CSMD1: variants seen among roughly 807,000 people sequenced by gnomAD.
CSMD1 encodes CUB and Sushi multiple domains 1.
A neutral mutation model predicts 417.5 loss-of-function variants in CSMD1; 213 were observed. The observed-to-expected ratio is 0.51, with a 90% CI of 0.46 to 0.57. The LOEUF is 0.57. CSMD1 is among the 20% of genes least tolerant of loss of function. CSMD1 has a pLI of 0.00. For synonymous variants in CSMD1, 2,862 were observed against 1,736.8 expected (o/e 1.65, Z -16.11); for missense variants, 6,923 against 4,529.7 (o/e 1.53, Z -15.17).
intron 42 of CSMD1, chr8:3,113,279 C>A (rs974638730): frequency 6.6e-6 from 1 of 152,172 alleles, no homozygotes; most frequent in African/African-American, 2.4e-5. Context: ...GCATCAGCAA[C>A]TGAAAGGGAT....
intron 7 of CSMD1, among the ~76,000 whole-genome samples, chr8:3,703,535 A>G (rs1037537753): frequency 6.6e-6 from 1 of 151,944 alleles, no homozygotes; most frequent in Non-Finnish European, 1.5e-5. Context: ...ATGAGGAGGT[A>G]TGGTGTGTGA....
chr8:4,741,158 G>A (rs1049775461), intron 1 of CSMD1, among the ~76,000 whole-genome samples: 3 of 151,982 alleles, frequency 2.0e-5, no homozygotes, highest in African/African-American at 4.8e-5. Context: ...TCTTTTTCAA[G>A]CACACTAGAC....
chr8:3,652,470 G>C (rs1387592776), intron 7 of CSMD1, among the ~76,000 whole-genome samples: 1 of 152,204 alleles, frequency 6.6e-6, no homozygotes, highest in Non-Finnish European at 1.5e-5. Flanking sequence ...TGCTAATAAA[G>C]ACATACCTGA....
At chr8:4,929,577 A>C (rs1242737582) in intron 1 of CSMD1, among the ~76,000 whole-genome samples, 2 of 152,304 alleles carry the variant, frequency 1.3e-5, no homozygotes, top group Non-Finnish European at 2.9e-5. Flanking sequence ...AGCTAGTCTC[A>C]AGGTGTGTTC....
intron 6 of CSMD1, among the ~76,000 whole-genome samples, chr8:3,723,917 A>G (rs1200416304): frequency 6.6e-6 from 1 of 152,248 alleles, no homozygotes; most frequent in Admixed American, 6.5e-5. Flanking sequence ...ATGGATGCAG[A>G]TTCCATTTTG....
At chr8:4,978,793 C>G (rs543809909) in intron 1 of CSMD1, among the ~76,000 whole-genome samples, 34 of 152,246 alleles carry the variant, frequency 2.2e-4, no homozygotes, top group African/African-American at 8.2e-4. Flanking sequence ...CAAAAATTAG[C>G]TGGGCATGGT....
At chr8:3,763,517 A>G (rs1427079375) in intron 5 of CSMD1, among the ~76,000 whole-genome samples, 1 of 151,950 alleles carries the variant, frequency 6.6e-6, no homozygotes, top group Non-Finnish European at 1.5e-5. Flanking sequence ...TCTACCTTCT[A>G]CTGTGAATAA....
intron 3 of CSMD1, among the ~76,000 whole-genome samples, chr8:4,261,947 A>G (rs779106): frequency 0.7 from 106,182 of 152,082 alleles, 41,139 homozygotes; most frequent in Non-Finnish European, 0.87. Flanking sequence ...CAATGTAACA[A>G]AACAGAAAAA....
intron 28 of CSMD1, among the ~76,000 whole-genome samples, chr8:3,223,454 C>T (rs767196642): frequency 3.9e-5 from 6 of 152,130 alleles, no homozygotes; most frequent in East Asian, 1.9e-4. Context: ...TTATTTTTAA[C>T]GAACATTCTG....
intron 5 of CSMD1, among the ~76,000 whole-genome samples, chr8:3,833,982 T>G (rs893749894): frequency 6.6e-6 from 1 of 152,160 alleles, no homozygotes; most frequent in African/African-American, 2.4e-5. Context: ...CCTATACGGT[T>G]TGAACACCAC....
chr8:3,996,147 A>G (rs1367739588), intron 5 of CSMD1, among the ~76,000 whole-genome samples: 4 of 152,008 alleles, frequency 2.6e-5, no homozygotes, highest in South Asian at 2.1e-4. Flanking sequence ...GCCACTGATC[A>G]TAGGTTCTAG....
At chr8:3,935,503 T>G (rs918890110) in intron 5 of CSMD1, among the ~76,000 whole-genome samples, 5 of 152,192 alleles carry the variant, frequency 3.3e-5, no homozygotes, top group African/African-American at 4.8e-5. Flanking sequence ...CTACTCGTTT[T>G]TGGTGTCTGT....
At chr8:4,749,657 T>G (rs1811179006) in intron 1 of CSMD1, among the ~76,000 whole-genome samples, 1 of 152,228 alleles carries the variant, frequency 6.6e-6, no homozygotes, top group Admixed American at 6.5e-5. Flanking sequence ...AATTCCAGTT[T>G]AGTAATTTTT....
chr8:4,772,947 G>T lies in CSMD1; in HGVS notation c.86-135389C>A, dbSNP rs557510857. 5.9e-5 allele frequency among the ~76,000 whole-genome samples: 9 copies of T among 152,254 alleles called. No homozygotes were observed. In the East Asian group the frequency reaches 1.7e-3, roughly 29 times the overall value. ...ATACTTCATCCCTGCAACATTGCTG[G>T]AATATAACACATGGGACATTTAAAG... On this transcript the variant is annotated intron_variant, in intron 1 of 69. Coordinates refer to ENST00000635120, the MANE Select transcript of CSMD1 (RefSeq NM_033225.6).
chr8:4,172,533 GC>G (rs923432533), intron 3 of CSMD1, among the ~76,000 whole-genome samples: 5 of 151,780 alleles, frequency 3.3e-5, no homozygotes, highest in Admixed American at 1.3e-4. Flanking sequence ...AACTATTTCT[GC>G]TTTGCTTGCA....
rs1799024022 is a variant in CSMD1, at chr8:4,813,501, G to C, written c.86-175943C>G. Among the ~76,000 whole-genome samples the C allele has an allele frequency of 2.6e-5, 4 of 152,232 alleles. No individual in the cohort carries two copies. The South Asian group carries it at 8.3e-4, about 32-fold the overall frequency. On this transcript the variant is annotated intron_variant, in intron 1 of 69. Transcript: ENST00000635120. ...ATAAATATCAGAAGCTGTCTGATTT[G>C]CTTTTTATCCTAAGCATAATGAGCA...
chr8:4,709,720 T>C (rs1030109571), intron 1 of CSMD1, among the ~76,000 whole-genome samples: 3 of 152,084 alleles, frequency 2.0e-5, no homozygotes, highest in Admixed American at 6.5e-5. Context: ...GTGGGAAGCA[T>C]AGCAGGAAGG....
At chr8:4,330,470 A>T (rs1369434312) in intron 3 of CSMD1, among the ~76,000 whole-genome samples, 2 of 151,912 alleles carry the variant, frequency 1.3e-5, no homozygotes, top group Non-Finnish European at 2.9e-5. Context: ...GGTGCCTGTA[A>T]ACCCAGCTAC....
intron 10 of CSMD1, among the ~76,000 whole-genome samples, chr8:3,518,589 G>C (rs1439487068): frequency 6.6e-6 from 1 of 152,128 alleles, no homozygotes; most frequent in Non-Finnish European, 1.5e-5. Flanking sequence ...CAACAATACA[G>C]CTTTTCAAAA....
Sources: gnomAD v4.1 joint callset for allele counts (sites outside exome capture counted in the v4.1 genomes callset) on GRCh38, gnomAD v4.1.1 for gene constraint, MANE v1.5 for transcripts, NCBI Gene and HGNC (gene_info 2026-07-23, HGNC 2026-07-21) for gene names.